ABCG1: variants seen among roughly 807,000 people sequenced by gnomAD.
ABCG1 encodes ATP binding cassette subfamily G member 1.
Under a neutral mutation model 69.2 loss-of-function variants are expected in ABCG1, and 29 were observed. That is an observed-to-expected ratio of 0.42 (90% CI 0.31 to 0.57). The LOEUF is 0.57. ABCG1 is among the 20% of genes least tolerant of loss of function. The pLI is 0.15. For missense variants in ABCG1, 718 were observed against 898.1 expected (o/e 0.80, Z 2.56); for synonymous variants, 370 against 374.8 (o/e 0.99, Z 0.15).
Position 42,276,971 on chromosome 21 carries a change from A to G in ABCG1, c.588+26A>G, listed in dbSNP as rs2068723159. 1.9e-6 allele frequency: 3 copies of G among 1,613,678 alleles called. No individual in the cohort carries two copies. Among genetic ancestry groups the G allele is most frequent in the South Asian group, 1.1e-5 (1 of 91,056 alleles). ...GTAAGTGGGTTGTTTGGTGCCCACA[A>G]GTGGTCCAGAAAGTGCATGACGTGC... On this transcript the variant is annotated intron_variant, in intron 5 of 14. Coordinates refer to ENST00000398449, the MANE Select transcript of ABCG1 (RefSeq NM_016818.3). This position sits in a 1 kb window ranked among gnomAD's most constrained non-coding sequence, Gnocchi z 5.3.
chr21:42,243,668 G>C (rs1442830101), intron 2 of ABCG1, among the ~76,000 whole-genome samples: 2 of 152,142 alleles, frequency 1.3e-5, no homozygotes, highest in African/African-American at 4.8e-5. Context: ...GGCTGCAACA[G>C]AGGATTGGCG....
At chr21:42,200,902 G>T (rs188973609) in intron 1 of ABCG1, among the ~76,000 whole-genome samples, 5 of 152,000 alleles carry the variant, frequency 3.3e-5, no homozygotes, top group African/African-American at 9.7e-5. Flanking sequence ...TGTGTTTTTT[G>T]TATTTTGTTT....
At chr21:42,243,445 C>T (rs3787977) in intron 2 of ABCG1, among the ~76,000 whole-genome samples, 3,405 of 79,596 alleles carry the variant, frequency 0.043, 90 homozygotes, top group Admixed American at 0.13. Context: ...CGTGTGTGTG[C>T]GCGTGTGTGT....
intron 8 of ABCG1, chr21:42,286,274 C>T: frequency 2.6e-6 from 1 of 386,814 alleles, no homozygotes; most frequent in Non-Finnish European, 4.7e-6. Context: ...CAGGGCCCAC[C>T]CTAAGTCCAG....
intron 2 of ABCG1, among the ~76,000 whole-genome samples, chr21:42,257,919 C>T (rs2068332833): frequency 6.6e-6 from 1 of 151,560 alleles, no homozygotes; most frequent in Non-Finnish European, 1.5e-5. Flanking sequence ...ATCCATCCTT[C>T]CTCCCATTTT....
At chr21:42,286,804 C>A (rs1010977848) in intron 8 of ABCG1, among the ~76,000 whole-genome samples, 2 of 152,198 alleles carry the variant, frequency 1.3e-5, no homozygotes, top group African/African-American at 4.8e-5. Context: ...GAGGGCATTC[C>A]CTTCTGGGGA....
chr21:42,216,768 A>G (rs1225835219), upstream of ABCG1, among the ~76,000 whole-genome samples: 1 of 152,088 alleles, frequency 6.6e-6, no homozygotes, highest in East Asian at 1.9e-4. Context: ...TACAACCAAG[A>G]GCCTTGATAG....
chr21:42,266,183 C>T (rs925152478), intron 2 of ABCG1, among the ~76,000 whole-genome samples: 2 of 152,128 alleles, frequency 1.3e-5, no homozygotes, highest in Admixed American at 1.3e-4. Flanking sequence ...CACCTGTAAT[C>T]CCAGCTACTC....
chr21:42,214,377 A>C (rs1190144021), upstream of ABCG1, among the ~76,000 whole-genome samples: 1 of 152,206 alleles, frequency 6.6e-6, no homozygotes, highest in South Asian at 2.1e-4. Context: ...TGCTATGAAC[A>C]ATACCTTTCT....
intron 2 of ABCG1, among the ~76,000 whole-genome samples, chr21:42,245,271 G>A (rs952191669): frequency 3.9e-5 from 6 of 152,242 alleles, no homozygotes; most frequent in African/African-American, 7.2e-5. Context: ...AGAAGGTTGA[G>A]CCTCTCCACT....
In ABCG1 at chr21:42,296,133, G is replaced by A. The variant is rs780884563; in HGVS notation, c.1773-31G>A. 8 of 1,586,454 alleles carry A rather than the reference G, an allele frequency of 5.0e-6. No individual in the cohort carries two copies. The highest frequency in any genetic ancestry group is 1.7e-4 in the Middle Eastern group (1 of 6,030). ...CAACGGCGTGGCTGGCTGGGAGAAC[G>A]TCCTCCCTCATGCCTGGCCTTTCCT... is the stretch of plus-strand genomic sequence containing the variant. On this transcript the variant is annotated intron_variant, in intron 14 of 14. Transcript: ENST00000398449. The surrounding 1 kb of genome is among the most constrained non-coding windows in gnomAD (Gnocchi z 5.4).
At chr21:42,260,265 C>G (rs1601406101) in intron 2 of ABCG1, 2 of 1,491,238 alleles carry the variant, frequency 1.3e-6, no homozygotes, top group Admixed American at 4.3e-5. Context: ...ACCCAGCTTC[C>G]ACCACGGAGC....
At position 42,276,766 on chromosome 21, in the gene ABCG1, C is replaced by T. The variant is rs545153621; in HGVS notation, c.538-129C>T. 1 of 893,462 alleles carries T rather than the reference C, an allele frequency of 1.1e-6. No individual in the cohort carries two copies. 55.3% of individuals were successfully genotyped at this position (893,462 alleles called of 1,614,324 possible). The stretch of plus-strand genomic sequence containing the variant: ...GCTAGCTGCACTGTGGGTAGCTGCA[C>T]CGTGGCTAGTGGCACTGTGGCTAGC... On this transcript the variant is annotated intron_variant, in intron 4 of 14. Transcript: ENST00000398449. The surrounding 1 kb of genome is among the most constrained non-coding windows in gnomAD (Gnocchi z 5.3).
At chr21:42,218,434 T>C (rs564010), upstream of ABCG1, among the ~76,000 whole-genome samples, 57,159 of 151,988 alleles carry the variant, frequency 0.38, 11,570 homozygotes, top group African/African-American at 0.52. Context: ...TCCATGAACA[T>C]GGCTCTGGAA....
chr21:42,295,878 A>C (rs762626454), intron 14 of ABCG1, among the ~76,000 whole-genome samples: 3 of 152,152 alleles, frequency 2.0e-5, no homozygotes, highest in Non-Finnish European at 2.9e-5. Context: ...TGAACACAAG[A>C]CTTCTCAGTG....
chr21:42,219,261 G>C lies in ABCG1; in HGVS notation c.-2G>C. On this transcript the variant is annotated 5_prime_UTR_variant, in exon 1 of 15. Transcript: ENST00000398449. This position sits in a 1 kb window ranked among gnomAD's most constrained non-coding sequence, Gnocchi z 5.3. ...CGCCGCCGCCGCCGCCGCCCCCGGG[G>C]CATGGCCTGTCTGATGGCCGCTTTC... The C allele has an allele frequency of 1.9e-6, 3 of 1,573,272 alleles. No individual in the cohort carries two copies. Among genetic ancestry groups the C allele is most frequent in the Non-Finnish European group, 1.7e-6 (2 of 1,166,382 alleles).
intron 2 of ABCG1, among the ~76,000 whole-genome samples, chr21:42,255,450 G>T (rs762455698): frequency 6.6e-6 from 1 of 152,186 alleles, no homozygotes. Flanking sequence ...CCATGTGTGG[G>T]TGTGTGTGCA....
At chr21:42,235,684 G>A (rs910279529) in intron 2 of ABCG1, among the ~76,000 whole-genome samples, 2 of 152,170 alleles carry the variant, frequency 1.3e-5, no homozygotes, top group Non-Finnish European at 2.9e-5. Context: ...GTTACGATAC[G>A]GGGCTGTGGG....
Position 42,296,741 on chromosome 21 carries a change from C to A in ABCG1, c.*349C>A, listed in dbSNP as rs1057206499. The A allele has an allele frequency of 2.2e-5, 7 of 322,242 alleles. No homozygotes were observed. The highest frequency in any genetic ancestry group is 4.1e-5 in the Non-Finnish European group (7 of 169,364). 20.0% of individuals were successfully genotyped at this position (322,242 alleles called of 1,614,324 possible). ...TCCAGTCGCTCCTTAGCACCAGGCA[C>A]CGTGGGTCCTGGATGGGGAACTGCA... On this transcript the variant is annotated 3_prime_UTR_variant, in exon 15 of 15. Transcript: ENST00000398449. The surrounding 1 kb of genome is among the most constrained non-coding windows in gnomAD (Gnocchi z 5.4).
Sources: allele counts gnomAD v4.1 joint callset (sites outside exome capture counted in the v4.1 genomes callset), GRCh38; gene constraint gnomAD v4.1.1; non-coding constraint Gnocchi (gnomAD v3.1); transcripts MANE v1.5; gene names NCBI Gene and HGNC (gene_info 2026-07-23, HGNC 2026-07-21).